The following KLHL1 variants were observed in gnomAD, a reference collection of about 807,000 sequenced individuals.
The protein encoded by KLHL1 is kelch like family member 1, also known as kelch-like protein 1.
Under a neutral mutation model 77.7 loss-of-function variants are expected in KLHL1, and 47 were observed. The ratio of observed to expected loss-of-function variants is 0.60; its 90% CI spans 0.48 to 0.77. The LOEUF is 0.77. Ranked by LOEUF, KLHL1 falls within the 30% of genes least tolerant of loss-of-function variation. KLHL1 has a pLI of 0.00. For missense variants in KLHL1, 925 were observed against 910.8 expected (o/e 1.02, Z -0.20); for synonymous variants, 360 against 325.2 (o/e 1.11, Z -1.15).
At chr13:69,966,031 A>G (rs1275864510) in intron 2 of KLHL1, among the ~76,000 whole-genome samples, 2 of 152,188 alleles carry the variant, frequency 1.3e-5, no homozygotes, top group Non-Finnish European at 2.9e-5. Flanking sequence ...AAAAGTTATT[A>G]TGGTTTTTGC....
At chr13:69,776,686 T>TA (rs1566238539) in intron 7 of KLHL1, among the ~76,000 whole-genome samples, 1 of 152,070 alleles carries the variant, frequency 6.6e-6, no homozygotes, top group Non-Finnish European at 1.5e-5. Flanking sequence ...AGGCATTTGT[T>TA]AAAAAAAGAA....
intron 6 of KLHL1, among the ~76,000 whole-genome samples, chr13:69,820,516 G>A (rs772344554): frequency 1.3e-5 from 2 of 152,090 alleles, no homozygotes; most frequent in Non-Finnish European, 2.9e-5. Flanking sequence ...AAATAAAAAG[G>A]ATAATTGAAA....
chr13:70,059,131 G>T (rs2137402398), intron 1 of KLHL1, among the ~76,000 whole-genome samples: 1 of 150,262 alleles, frequency 6.7e-6, no homozygotes, highest in South Asian at 2.1e-4. Flanking sequence ...AAATCTCCAG[G>T]ACATGGGAAT....
At chr13:70,049,597 T>C (rs1785349242) in intron 1 of KLHL1, among the ~76,000 whole-genome samples, 2 of 152,216 alleles carry the variant, frequency 1.3e-5, no homozygotes, top group Admixed American at 1.3e-4. Flanking sequence ...GGCTATGTCC[T>C]ATAAACTTAT....
chr13:69,771,503 T>A (rs1375421455), intron 7 of KLHL1, among the ~76,000 whole-genome samples: 1 of 152,182 alleles, frequency 6.6e-6, no homozygotes, highest in Non-Finnish European at 1.5e-5. Context: ...ATTTCATCCA[T>A]AGAAGCTTCA....
chr13:70,092,699 C>T (rs1887697190), intron 1 of KLHL1, among the ~76,000 whole-genome samples: 1 of 151,972 alleles, frequency 6.6e-6, no homozygotes, highest in Admixed American at 6.6e-5. Context: ...TTAATTTGAT[C>T]ATGATGTTAT....
chr13:69,788,095 C>G (rs541401864), intron 7 of KLHL1, among the ~76,000 whole-genome samples: 1 of 152,242 alleles, frequency 6.6e-6, no homozygotes, highest in East Asian at 1.9e-4. Flanking sequence ...TTGTGGAAGA[C>G]AGTGTGGCGA....
At chr13:70,045,575 A>AACAC (rs35057277) in intron 1 of KLHL1, among the ~76,000 whole-genome samples, 2,281 of 150,572 alleles carry the variant, frequency 0.015, 19 homozygotes, top group Non-Finnish European at 0.024. Context: ...AAAAACACAC[A>AACAC]ACACACACAC....
At chr13:70,044,049 T>A (rs996648238) in intron 1 of KLHL1, among the ~76,000 whole-genome samples, 1 of 152,194 alleles carries the variant, frequency 6.6e-6, no homozygotes, top group African/African-American at 2.4e-5. Flanking sequence ...TTTCAACACT[T>A]TTCAATGGTT....
At chr13:69,862,589 C>T (rs12867164) in intron 5 of KLHL1, among the ~76,000 whole-genome samples, 48,232 of 151,696 alleles carry the variant, frequency 0.32, 8,120 homozygotes, top group African/African-American at 0.44. Context: ...ATACCTGTTG[C>T]TATGTACTGA....
At chr13:69,933,326 G>A (rs910524597) in intron 4 of KLHL1, among the ~76,000 whole-genome samples, 3 of 151,996 alleles carry the variant, frequency 2.0e-5, no homozygotes, top group Non-Finnish European at 4.4e-5. Flanking sequence ...GAAAAATGTA[G>A]GTGAAGTAAA....
intron 3 of KLHL1, among the ~76,000 whole-genome samples, chr13:69,943,597 A>T (rs1883430002): frequency 6.6e-6 from 1 of 152,114 alleles, no homozygotes. Flanking sequence ...ATGAGCAAAA[A>T]GTATTCTATA....
intron 1 of KLHL1, among the ~76,000 whole-genome samples, chr13:70,044,205 T>C (rs1337278550): frequency 6.6e-6 from 1 of 152,186 alleles, no homozygotes; most frequent in Non-Finnish European, 1.5e-5. Context: ...TTTGTATTTT[T>C]AGAACTCTAC....
chr13:70,006,795 A>T (rs1417866850), intron 1 of KLHL1, among the ~76,000 whole-genome samples: 1 of 152,034 alleles, frequency 6.6e-6, no homozygotes, highest in Non-Finnish European at 1.5e-5. Context: ...CTAGAAGAAT[A>T]ATAGCTTTCA....
intron 1 of KLHL1, among the ~76,000 whole-genome samples, chr13:70,076,610 A>C (rs993123925): frequency 1.3e-5 from 2 of 151,900 alleles, no homozygotes; most frequent in African/African-American, 4.8e-5. Context: ...CAATCCATGA[A>C]AGAAAACAAA....
intron 8 of KLHL1, among the ~76,000 whole-genome samples, chr13:69,721,866 A>G (rs1442204155): frequency 6.6e-6 from 1 of 152,098 alleles, no homozygotes; most frequent in Non-Finnish European, 1.5e-5. Context: ...ACCAATAGGA[A>G]CATTTTAAAA....
intron 6 of KLHL1, among the ~76,000 whole-genome samples, chr13:69,806,445 T>A (rs1203730226): frequency 1.3e-5 from 2 of 152,084 alleles, no homozygotes; most frequent in African/African-American, 2.4e-5. Flanking sequence ...AAGTACATAC[T>A]CACACTGTAC....
At chr13:69,836,569 A>G (rs774793378) in intron 6 of KLHL1, among the ~76,000 whole-genome samples, 16 of 152,052 alleles carry the variant, frequency 1.1e-4, no homozygotes, top group Non-Finnish European at 2.1e-4. Flanking sequence ...TCTTTGTCTC[A>G]AATCATCCAA....
intron 1 of KLHL1, among the ~76,000 whole-genome samples, chr13:70,067,383 T>C (rs543329111): frequency 6.6e-6 from 1 of 152,244 alleles, no homozygotes; most frequent in East Asian, 1.9e-4. Flanking sequence ...GATATCTATG[T>C]TTTAGGTAGA....
Sources: allele counts gnomAD v4.1 joint callset (sites outside exome capture counted in the v4.1 genomes callset), GRCh38; gene constraint gnomAD v4.1.1; transcripts MANE v1.5; gene names NCBI Gene and HGNC (gene_info 2026-07-23, HGNC 2026-07-21).